KCNH1: variants seen among roughly 807,000 people sequenced by gnomAD.
KCNH1 encodes potassium voltage-gated channel subfamily H member 1.
In KCNH1, 27 loss-of-function variants were observed where a neutral mutation model predicts 69.2. The observed-to-expected ratio is 0.39, with a 90% confidence interval of 0.29 to 0.54. The LOEUF (loss-of-function observed/expected upper bound fraction) is 0.54. Among genes scored for constraint, KCNH1 ranks in the 20% least tolerant of loss-of-function variants. The pLI is 0.68. For missense variants in KCNH1, 798 were observed against 1,261.6 expected (o/e 0.63, Z 5.57); for synonymous variants, 456 against 487.7 (o/e 0.93, Z 0.86).
intron 9 of KCNH1, among the ~76,000 whole-genome samples, chr1:210,786,943 G>A (rs914180995): frequency 3.3e-5 from 5 of 152,076 alleles, no homozygotes; most frequent in African/African-American, 1.2e-4. Flanking sequence ...TCATCTCTCA[G>A]CATGCTCCCT....
At position 210,861,359 on chromosome 1, in the gene KCNH1, A is replaced by G. The variant is rs1685974556; in HGVS notation, c.1463-57193T>C. Reference sequence around the variant, plus strand: ...TTGCTTCTCGTTGTACTGTTATAACACTTTCAATAAAACTTGCTGGACACC... The same window carrying G: ...TTGCTTCTCGTTGTACTGTTATAACGCTTTCAATAAAACTTGCTGGACACC... On this transcript the variant is annotated intron_variant, in intron 7 of 10. Transcript: ENST00000271751. The G allele has an allele frequency of 1.0e-5, 8 of 782,206 alleles. No individual in the cohort carries two copies. The South Asian group carries it at 1.1e-4, about 11-fold the overall frequency. The allele number at this position is 782,206 out of a possible 1,614,324, so 48.5% of individuals were successfully genotyped here. A position where few individuals can be genotyped will look rare whatever the true frequency, so the allele number is the denominator to read the frequency against.
At chr1:211,065,805 T>G (rs1471568707) in intron 5 of KCNH1, among the ~76,000 whole-genome samples, 1 of 152,116 alleles carries the variant, frequency 6.6e-6, no homozygotes, top group African/African-American at 2.4e-5. Flanking sequence ...CACACCTGTA[T>G]TCCCAGAACT....
chr1:210,981,125 T>G (rs1688701762), intron 6 of KCNH1, among the ~76,000 whole-genome samples: 1 of 152,018 alleles, frequency 6.6e-6, no homozygotes, highest in Admixed American at 6.6e-5. Flanking sequence ...CTAAAGTCAC[T>G]CAGAGAAAGC....
rs181162037 is a variant in KCNH1, at chr1:210,931,801, G to A, written c.1033-11732C>T. Among the ~76,000 whole-genome samples, 843 of 148,934 alleles carry A rather than the reference G, an allele frequency of 5.7e-3. 9 individuals carry two copies. Among genetic ancestry groups the A allele is most frequent in the African/African-American group, 0.02 (795 of 40,608 alleles). ...ACAAAGAGATAGATATCATAAAAGA[G>A]AAAAAAACAGAAATCTTGGAGGTGA... On this transcript the variant is annotated intron_variant, in intron 6 of 10. Coordinates refer to ENST00000271751, the MANE Select transcript of KCNH1 (RefSeq NM_172362.3).
At chr1:210,935,176 C>A (rs1190264108) in intron 6 of KCNH1, among the ~76,000 whole-genome samples, 2 of 114,168 alleles carry the variant, frequency 1.8e-5, no homozygotes, top group Non-Finnish European at 1.8e-5. Flanking sequence ...GAATAGTATT[C>A]AGCCATAAAA....
intron 6 of KCNH1, among the ~76,000 whole-genome samples, chr1:210,969,563 C>T (rs776816121): frequency 6.6e-6 from 1 of 151,964 alleles, no homozygotes; most frequent in Non-Finnish European, 1.5e-5. Context: ...ACATACTGCT[C>T]TAAATGCTTA....
rs2149010043 is a variant in KCNH1 at position 210,699,549 on chromosome 1, G to A, written c.2113-15411C>T. Reference sequence around the variant, plus strand: ...CAGCAAGCGCAGCCACTTGGCATGAGCTAAGAACAGAGGGAACCAGAGAAG... The same window carrying A: ...CAGCAAGCGCAGCCACTTGGCATGAACTAAGAACAGAGGGAACCAGAGAAG... On this transcript the variant is annotated intron_variant, in intron 10 of 10. Coordinates refer to ENST00000271751, the MANE Select transcript of KCNH1 (RefSeq NM_172362.3). Among the ~76,000 whole-genome samples, 2 of 152,328 alleles carry A rather than the reference G, an allele frequency of 1.3e-5. 1 individual carries two copies. Among genetic ancestry groups the A allele is most frequent in the Admixed American group, 1.3e-4 (2 of 15,304 alleles).
At chr1:210,988,529 C>T (rs1351239640) in intron 6 of KCNH1, among the ~76,000 whole-genome samples, 1 of 152,148 alleles carries the variant, frequency 6.6e-6, no homozygotes, top group African/African-American at 2.4e-5. Context: ...ATAATACATG[C>T]CATGTCTATT....
chr1:210,908,002 G>A (rs1687152223), intron 7 of KCNH1, among the ~76,000 whole-genome samples: 1 of 152,196 alleles, frequency 6.6e-6, no homozygotes. Flanking sequence ...GGAAAATGAG[G>A]AGACGCATTT....
chr1:210,886,169 C>A (rs1238335133), intron 7 of KCNH1, among the ~76,000 whole-genome samples: 1 of 152,156 alleles, frequency 6.6e-6, no homozygotes, highest in Non-Finnish European at 1.5e-5. Flanking sequence ...TGGTAGGTGA[C>A]CCTCTGGACA....
At chr1:210,849,525 C>T (rs1373853032) in intron 7 of KCNH1, among the ~76,000 whole-genome samples, 1 of 151,932 alleles carries the variant, frequency 6.6e-6, no homozygotes, top group African/African-American at 2.4e-5. Context: ...CACCACCACA[C>T]CCAGCTAGTT....
At chr1:210,759,124 A>G (rs114039926) in intron 10 of KCNH1, among the ~76,000 whole-genome samples, 4,259 of 146,972 alleles carry the variant, frequency 0.029, 76 homozygotes, top group African/African-American at 0.049. Context: ...TTAAAAAATC[A>G]AGAAGCCCTA....
intron 6 of KCNH1, among the ~76,000 whole-genome samples, chr1:210,989,106 C>A (rs1169105316): frequency 1.3e-5 from 2 of 152,050 alleles, no homozygotes; most frequent in Non-Finnish European, 2.9e-5. Flanking sequence ...ATCTTCATAC[C>A]CTCTGTAAGT....
chr1:210,767,720 T>C (rs1683665122), intron 10 of KCNH1, among the ~76,000 whole-genome samples: 1 of 152,156 alleles, frequency 6.6e-6, no homozygotes, highest in Admixed American at 6.6e-5. Flanking sequence ...CTACCCTTAT[T>C]ATGCCTCAAC....
At position 210,994,996 on chromosome 1, in the gene KCNH1, C is replaced by CA. The variant is rs373841354; in HGVS notation, c.1032+23786dup. On this transcript the variant is annotated intron_variant, in intron 6 of 10. Coordinates refer to ENST00000271751, the MANE Select transcript of KCNH1 (RefSeq NM_172362.3). ...AGCACTTATTAAACACTTAAGTTCTCAAAAAACATTAGCCAAGTCTTCTAA... is the reference window on the plus strand; with the variant it reads ...AGCACTTATTAAACACTTAAGTTCTCAAAAAAACATTAGCCAAGTCTTCTAA... 3.0e-3 allele frequency among the ~76,000 whole-genome samples: 459 copies of CA among 152,254 alleles called. 1 individual carries two copies. Among genetic ancestry groups the CA allele is most frequent in the African/African-American group, 0.011 (440 of 41,542 alleles).
intron 7 of KCNH1, among the ~76,000 whole-genome samples, chr1:210,834,754 T>A (rs1188297112): frequency 6.6e-6 from 1 of 150,480 alleles, no homozygotes; most frequent in Non-Finnish European, 1.5e-5. Flanking sequence ...GGGCCTTTGG[T>A]AGGTGATTAG....
chr1:210,854,725 T>C (rs2102471532), intron 7 of KCNH1, among the ~76,000 whole-genome samples: 1 of 152,314 alleles, frequency 6.6e-6, no homozygotes, highest in South Asian at 2.1e-4. Context: ...AGGTGTCTGT[T>C]GATTTTTAGG....
At chr1:210,862,342 A>T (rs1685997031) in intron 7 of KCNH1, 8 of 696,684 alleles carry the variant, frequency 1.1e-5, no homozygotes, top group Non-Finnish European at 2.1e-5. Flanking sequence ...GAATAGCACT[A>T]CTCACTGCAC....
At chr1:210,943,677 C>T (rs576046846) in intron 6 of KCNH1, among the ~76,000 whole-genome samples, 1 of 152,118 alleles carries the variant, frequency 6.6e-6, no homozygotes, top group Non-Finnish European at 1.5e-5. Flanking sequence ...AAGCAGTGAG[C>T]AGGTTGCATA....
Sources: allele counts gnomAD v4.1 joint callset (sites outside exome capture counted in the v4.1 genomes callset), GRCh38; gene constraint gnomAD v4.1.1; transcripts MANE v1.5; gene names NCBI Gene and HGNC (gene_info 2026-07-23, HGNC 2026-07-21).